Variants in CACNA2D1 observed in about 807,000 individuals in gnomAD.
CACNA2D1 encodes the protein calcium voltage-gated channel auxiliary subunit alpha2delta 1, also known as voltage-dependent calcium channel subunit alpha-2/delta-1.
In CACNA2D1, 53 loss-of-function variants were observed where a neutral mutation model predicts 171.5. The observed-to-expected ratio is 0.31, with a 90% CI of 0.25 to 0.39. The LOEUF is 0.39. Among genes scored for constraint, CACNA2D1 ranks in the 10% least tolerant of loss-of-function variants. The pLI is 1.00. For missense variants in CACNA2D1, 903 were observed against 1,299.8 expected, an observed-to-expected ratio of 0.69 and a Z score of 4.69; for synonymous variants, 442 against 443.1, an observed-to-expected ratio of 1.00 and a Z score of 0.03.
intron 4 of CACNA2D1, among the ~76,000 whole-genome samples, chr7:82,150,683 G>A (rs1246440662): frequency 6.6e-6 from 1 of 152,034 alleles, no homozygotes; most frequent in Non-Finnish European, 1.5e-5. Context: ...TAAATTACCT[G>A]CTACAGATCA....
At chr7:82,082,991 T>C (rs1028670335) in intron 7 of CACNA2D1, among the ~76,000 whole-genome samples, 11 of 152,058 alleles carry the variant, frequency 7.2e-5, no homozygotes, top group Non-Finnish European at 1.5e-4. Context: ...ATCCATCTCT[T>C]GATCCCCATG....
intron 3 of CACNA2D1, among the ~76,000 whole-genome samples, chr7:82,208,505 C>T (rs1800233877): frequency 6.6e-6 from 1 of 152,020 alleles, no homozygotes; most frequent in African/African-American, 2.4e-5. Flanking sequence ...AGGTAACTTC[C>T]CAATGTGTTT....
At position 82,393,169 on chromosome 7, in the gene CACNA2D1, G is replaced by A. The variant is rs73384014; in HGVS notation, c.96-43520C>T. On this transcript the variant is annotated intron_variant, in intron 1 of 38. Transcript: ENST00000356860. The stretch of plus-strand genomic sequence containing the variant: ...AGGGAGGCAGGCAGGGAGGGAGGCC[G>A]GGAGGGAGGGGCAATAACACTTTAA... 7.9e-3 allele frequency among the ~76,000 whole-genome samples: 1,183 copies of A among 150,226 alleles called. 23 individuals carry two copies. The highest frequency in any genetic ancestry group is 0.027 in the African/African-American group (1,106 of 40,484).
At chr7:82,171,477 CA>C (rs1359563573) in intron 3 of CACNA2D1, among the ~76,000 whole-genome samples, 2 of 151,982 alleles carry the variant, frequency 1.3e-5, no homozygotes, top group African/African-American at 4.8e-5. Context: ...TCAGCCCTTG[CA>C]AACTACTAGC....
chr7:81,967,497 T>A (rs17240387), intron 30 of CACNA2D1, 99 bp downstream of exon 30: 6 of 698,592 alleles, frequency 8.6e-6, no homozygotes, highest in Middle Eastern at 3.9e-4. Context: ...TGTAGTGGTA[T>A]TGAGAATGTA....
intron 2 of CACNA2D1, among the ~76,000 whole-genome samples, chr7:82,342,053 C>CAAA (rs60799157): frequency 3.5e-4 from 23 of 65,486 alleles, no homozygotes; most frequent in East Asian, 5.1e-4. Context: ...GACTCCGTCT[C>CAAA]AAAAAAAAAA....
chr7:82,299,019 C>T (rs976922151), intron 3 of CACNA2D1, among the ~76,000 whole-genome samples: 6 of 146,722 alleles, frequency 4.1e-5, no homozygotes, highest in Admixed American at 2.1e-4. Flanking sequence ...GCTGAGATCA[C>T]GCCATTGCAC....
intron 1 of CACNA2D1, among the ~76,000 whole-genome samples, chr7:82,406,422 T>G (rs1278865798): frequency 6.6e-6 from 1 of 152,216 alleles, no homozygotes; most frequent in African/African-American, 2.4e-5. Flanking sequence ...ATGGGATGGC[T>G]GGGTCAAATG....
chr7:82,248,931 T>C (rs1193086106), intron 3 of CACNA2D1, among the ~76,000 whole-genome samples: 2 of 151,884 alleles, frequency 1.3e-5, no homozygotes, highest in Non-Finnish European at 2.9e-5. Context: ...TCCTGGCTAA[T>C]ACGGTGAAAC....
At chr7:82,204,034 G>A (rs942207968) in intron 3 of CACNA2D1, among the ~76,000 whole-genome samples, 3 of 152,190 alleles carry the variant, frequency 2.0e-5, no homozygotes, top group African/African-American at 7.2e-5. Context: ...CATGGGGCCT[G>A]AGGCACCCCT....
At chr7:82,421,908 G>T (rs1263027421) in intron 1 of CACNA2D1, among the ~76,000 whole-genome samples, 1 of 152,144 alleles carries the variant, frequency 6.6e-6, no homozygotes, top group Non-Finnish European at 1.5e-5. Context: ...TTCCCATGAT[G>T]CAATAAATGT....
chr7:82,384,160 G>A (rs773248896), intron 1 of CACNA2D1, among the ~76,000 whole-genome samples: 9 of 152,106 alleles, frequency 5.9e-5, no homozygotes, highest in Non-Finnish European at 8.8e-5. Context: ...AATTGAAGAC[G>A]TCACCAGGGG....
intron 20 of CACNA2D1, among the ~76,000 whole-genome samples, chr7:81,993,536 C>A (rs576040287): frequency 5.9e-5 from 9 of 151,980 alleles, no homozygotes; most frequent in Non-Finnish European, 8.8e-5. Context: ...CTTACATAGA[C>A]CATATAGATA....
intron 21 of CACNA2D1, among the ~76,000 whole-genome samples, chr7:81,986,229 C>T (rs922929384): frequency 2.0e-5 from 3 of 152,148 alleles, no homozygotes; most frequent in Non-Finnish European, 4.4e-5. Flanking sequence ...AAAAGTAATA[C>T]TTGTTTAATG....
chr7:82,240,925 C>T (rs1804189902), intron 3 of CACNA2D1, among the ~76,000 whole-genome samples: 1 of 151,880 alleles, frequency 6.6e-6, no homozygotes, highest in African/African-American at 2.4e-5. Context: ...CGAGATCGTG[C>T]CACTGCACTC....
At chr7:82,221,391 T>G (rs1380183468) in intron 3 of CACNA2D1, among the ~76,000 whole-genome samples, 1 of 152,122 alleles carries the variant, frequency 6.6e-6, no homozygotes, top group African/African-American at 2.4e-5. Context: ...TAAGACTCAC[T>G]CCAAACACAT....
At chr7:82,358,193 A>C (rs112903605) in intron 1 of CACNA2D1, among the ~76,000 whole-genome samples, 237 of 152,326 alleles carry the variant, frequency 1.6e-3, no homozygotes, top group Non-Finnish European at 2.8e-3. Flanking sequence ...ACCAATGCCA[A>C]ACTGTTCCTA....
intron 4 of CACNA2D1, among the ~76,000 whole-genome samples, chr7:82,168,200 G>C (rs981334964): frequency 3.9e-5 from 6 of 152,078 alleles, no homozygotes; most frequent in Non-Finnish European, 7.4e-5. Context: ...GAGTAGTACA[G>C]TGTCATGATC....
chr7:82,018,038 A>G (rs1800718798), intron 12 of CACNA2D1, among the ~76,000 whole-genome samples: 1 of 152,196 alleles, frequency 6.6e-6, no homozygotes, highest in Non-Finnish European at 1.5e-5. Flanking sequence ...AAAAGTAGCT[A>G]ATTGTTTCTC....
Sources: allele counts gnomAD v4.1 joint callset (sites outside exome capture counted in the v4.1 genomes callset), GRCh38; gene constraint gnomAD v4.1.1; transcripts MANE v1.5; gene names NCBI Gene and HGNC (gene_info 2026-07-23, HGNC 2026-07-21).